Variants in HCN1 observed in about 807,000 individuals in gnomAD.
The protein encoded by HCN1 is hyperpolarization activated cyclic nucleotide gated potassium channel 1.
A neutral mutation model predicts 78.9 loss-of-function variants in HCN1; 13 were observed. That is an observed-to-expected ratio of 0.16 (90% CI 0.11 to 0.26). The LOEUF (loss-of-function observed/expected upper bound fraction) is 0.26. Among genes scored for constraint, HCN1 ranks in the 10% least tolerant of loss-of-function variants. HCN1 has a pLI of 1.00. For synonymous variants in HCN1, 552 were observed against 455.5 expected, an observed-to-expected ratio of 1.21 and a Z score of -2.70; for missense variants, 810 against 1,154.3, an observed-to-expected ratio of 0.70 and a Z score of 4.32.
At chr5:45,490,750 T>G (rs1192920278) in intron 2 of HCN1, among the ~76,000 whole-genome samples, 3 of 152,174 alleles carry the variant, frequency 2.0e-5, no homozygotes, top group African/African-American at 2.4e-5. Flanking sequence ...ACAATTTTTT[T>G]AAATAAAAAA....
intron 2 of HCN1, among the ~76,000 whole-genome samples, chr5:45,490,874 C>G (rs564410507): frequency 1.3e-5 from 2 of 152,138 alleles, no homozygotes; most frequent in South Asian, 4.1e-4. Context: ...CTTTCTATAC[C>G]AATCATCCTT....
intron 4 of HCN1, among the ~76,000 whole-genome samples, chr5:45,373,076 T>C (rs1327604035): frequency 7.4e-6 from 1 of 134,822 alleles, no homozygotes. Context: ...ATGTAGTATA[T>C]AATATATAAA....
At chr5:45,615,742 T>G (rs1162866715) in intron 2 of HCN1, among the ~76,000 whole-genome samples, 1 of 151,964 alleles carries the variant, frequency 6.6e-6, no homozygotes, top group Non-Finnish European at 1.5e-5. Context: ...AATTACTATT[T>G]TCAATTATCT....
At chr5:45,594,029 G>A (rs1225695098) in intron 2 of HCN1, among the ~76,000 whole-genome samples, 1 of 152,082 alleles carries the variant, frequency 6.6e-6, no homozygotes, top group Non-Finnish European at 1.5e-5. Flanking sequence ...GCCTAGGTCA[G>A]ACACTTTGAG....
chr5:45,378,539 T>C (rs543330775), intron 4 of HCN1, among the ~76,000 whole-genome samples: 1 of 152,196 alleles, frequency 6.6e-6, no homozygotes, highest in Non-Finnish European at 1.5e-5. Context: ...CATGTGGAGG[T>C]TGATAAGTAA....
intron 5 of HCN1, among the ~76,000 whole-genome samples, chr5:45,325,765 C>T (rs553573113): frequency 2.0e-5 from 3 of 151,648 alleles, no homozygotes; most frequent in East Asian, 2.0e-4. Flanking sequence ...TCAGCACCTG[C>T]TTCAATGTCT....
chr5:45,690,893 G>C (rs1335580274), intron 1 of HCN1, among the ~76,000 whole-genome samples: 2 of 151,908 alleles, frequency 1.3e-5, no homozygotes, highest in Non-Finnish European at 2.9e-5. Context: ...TTCTTTTCCG[G>C]AGCCCAATTG....
At chr5:45,270,656 A>T (rs1744944213) in intron 6 of HCN1, among the ~76,000 whole-genome samples, 1 of 152,168 alleles carries the variant, frequency 6.6e-6, no homozygotes, top group South Asian at 2.1e-4. Context: ...GTCTCTGTAG[A>T]GGGATGAGAT....
intron 4 of HCN1, among the ~76,000 whole-genome samples, chr5:45,389,931 T>C (rs761235202): frequency 8.5e-5 from 13 of 152,300 alleles, no homozygotes; most frequent in Non-Finnish European, 1.5e-4. Context: ...TTTAATAATG[T>C]ACAATCTCAT....
intron 5 of HCN1, among the ~76,000 whole-genome samples, chr5:45,338,372 A>G (rs1233783495): frequency 6.6e-6 from 1 of 152,174 alleles, no homozygotes; most frequent in East Asian, 1.9e-4. Flanking sequence ...TTCTTATTTA[A>G]TGAAGTATTT....
intron 6 of HCN1, among the ~76,000 whole-genome samples, chr5:45,268,619 T>C (rs1744904294): frequency 6.6e-6 from 1 of 152,154 alleles, no homozygotes; most frequent in Middle Eastern, 3.2e-3. Context: ...CTGAGAATAC[T>C]AGAGAAGGAC....
chr5:45,546,393 T>C (rs1743228165), intron 2 of HCN1, among the ~76,000 whole-genome samples: 2 of 151,922 alleles, frequency 1.3e-5, no homozygotes, highest in Admixed American at 1.3e-4. Context: ...AAATGCTTTA[T>C]AATCAGCTTC....
At chr5:45,679,160 GTC>G (rs1739655652) in intron 1 of HCN1, among the ~76,000 whole-genome samples, 1 of 152,022 alleles carries the variant, frequency 6.6e-6, no homozygotes, top group South Asian at 2.1e-4. Context: ...TCTGAGCCAG[GTC>G]TCTGTGTTCA....
At chr5:45,431,964 C>A (rs1740472573) in intron 3 of HCN1, among the ~76,000 whole-genome samples, 1 of 152,086 alleles carries the variant, frequency 6.6e-6, no homozygotes. Context: ...TTTTCTAATT[C>A]TATGAGAATG....
intron 2 of HCN1, among the ~76,000 whole-genome samples, chr5:45,582,344 T>C (rs1266785916): frequency 6.6e-6 from 1 of 152,172 alleles, no homozygotes; most frequent in Non-Finnish European, 1.5e-5. Context: ...TGTATAAGAA[T>C]GCTTGTGATT....
At chr5:45,419,547 C>T (rs1043135041) in intron 3 of HCN1, among the ~76,000 whole-genome samples, 5 of 152,134 alleles carry the variant, frequency 3.3e-5, no homozygotes, top group African/African-American at 1.2e-4. Context: ...CTCTTTGTCC[C>T]TCCAAATCTG....
At position 45,542,397 on chromosome 5, in the gene HCN1, C is replaced by T. The variant is rs1743122519; in HGVS notation, c.850-80390G>A. Among the ~76,000 whole-genome samples, 3 of 151,906 alleles carry T rather than the reference C, an allele frequency of 2.0e-5. No individual in the cohort carries two copies. The South Asian group carries it at 6.2e-4, about 32-fold the overall frequency. On this transcript the variant is annotated intron_variant, in intron 2 of 7. Coordinates refer to ENST00000303230, the MANE Select transcript of HCN1 (RefSeq NM_021072.4). Reference sequence around the variant, plus strand: ...GATCACATCCTGGTATTTGACTCTGCTGTATGTCAGAATTTTTTTTCTGGT... The same window carrying T: ...GATCACATCCTGGTATTTGACTCTGTTGTATGTCAGAATTTTTTTTCTGGT...
chr5:45,384,422 A>G (rs1419706914), intron 4 of HCN1, among the ~76,000 whole-genome samples: 3 of 152,154 alleles, frequency 2.0e-5, no homozygotes, highest in Admixed American at 6.6e-5. Flanking sequence ...ATGAAAATCA[A>G]TTTTCTAAAG....
chr5:45,498,466 T>G (rs1742101820), intron 2 of HCN1, among the ~76,000 whole-genome samples: 1 of 152,150 alleles, frequency 6.6e-6, no homozygotes, highest in Admixed American at 6.5e-5. Context: ...TCTGTATTGG[T>G]TATTCTAGTT....
Sources: gnomAD v4.1 joint callset for allele counts (sites outside exome capture counted in the v4.1 genomes callset) on GRCh38, gnomAD v4.1.1 for gene constraint, MANE v1.5 for transcripts, NCBI Gene and HGNC (gene_info 2026-07-23, HGNC 2026-07-21) for gene names.